CCDC25: variants seen among roughly 807,000 people sequenced by gnomAD.
CCDC25 encodes the protein coiled-coil domain containing 25, also known as coiled-coil domain-containing protein 25.
CCDC25 carries 16 observed loss-of-function variants against 35.3 expected under a neutral mutation model. The ratio of observed to expected loss-of-function variants is 0.45; its 90% confidence interval spans 0.31 to 0.69. The LOEUF is 0.69. Among genes scored for constraint, CCDC25 ranks in the 30% least tolerant of loss-of-function variants. CCDC25 has a pLI of 0.06. For missense variants in CCDC25, 179 were observed against 250.7 expected, an observed-to-expected ratio of 0.71 and a Z score of 1.93; for synonymous variants, 79 against 80.3, an observed-to-expected ratio of 0.98 and a Z score of 0.09.
chr8:27,759,056 A>G (rs540352966), intron 3 of CCDC25, among the ~76,000 whole-genome samples: 1 of 152,326 alleles, frequency 6.6e-6, no homozygotes, highest in African/African-American at 2.4e-5. Flanking sequence ...GACTTCTCCA[A>G]TCTTTCTAAA....
intron 4 of CCDC25, among the ~76,000 whole-genome samples, chr8:27,755,411 T>C (rs899670923): frequency 1.3e-5 from 2 of 151,888 alleles, no homozygotes; most frequent in South Asian, 4.1e-4. Flanking sequence ...AACGCAGGAG[T>C]CTAGGCTGAT....
In CCDC25 at chr8:27,741,260, A is replaced by C. The variant is rs191034121; in HGVS notation, c.552-743T>G. Among the ~76,000 whole-genome samples the C allele has an allele frequency of 9.8e-5, 15 of 152,362 alleles. No homozygotes were observed. The South Asian group carries it at 1.2e-3, about 13-fold the overall frequency. The stretch of plus-strand genomic sequence containing the variant: ...ATCCATGTGCATAAGACCCTGTGCT[A>C]AGCCTGGGTAGAGGATCGGATGAGA... On this transcript the variant is annotated intron_variant, in intron 7 of 8. Coordinates refer to ENST00000356537, the MANE Select transcript of CCDC25 (RefSeq NM_018246.3).
chr8:27,739,700 C>T (rs1006737791), intron 8 of CCDC25, among the ~76,000 whole-genome samples: 1 of 152,082 alleles, frequency 6.6e-6, no homozygotes, highest in Non-Finnish European at 1.5e-5. Flanking sequence ...TTGGTAGCTT[C>T]GGGGAGTCCT....
chr8:27,742,388 A>G (rs549163807), intron 7 of CCDC25, among the ~76,000 whole-genome samples: 1 of 152,254 alleles, frequency 6.6e-6, no homozygotes, highest in African/African-American at 2.4e-5. Flanking sequence ...AGGTTGCATG[A>G]GCAGGAGGAG....
intron 2 of CCDC25, among the ~76,000 whole-genome samples, chr8:27,763,820 T>A (rs559118432): frequency 1.3e-5 from 2 of 152,040 alleles, no homozygotes; most frequent in African/African-American, 4.8e-5. Flanking sequence ...GTATTTACCA[T>A]CCAGAAAAGG....
At chr8:27,749,040 G>C (rs1243062300) in intron 5 of CCDC25, among the ~76,000 whole-genome samples, 1 of 152,216 alleles carries the variant, frequency 6.6e-6, no homozygotes, top group Non-Finnish European at 1.5e-5. Flanking sequence ...CCTCTCTGGA[G>C]AAGTCCCCTG....
At chr8:27,755,125 G>A (rs1215883931) in intron 4 of CCDC25, among the ~76,000 whole-genome samples, 4 of 152,152 alleles carry the variant, frequency 2.6e-5, no homozygotes, top group Non-Finnish European at 5.9e-5. Context: ...AGAAGGATCG[G>A]TCTAGATCTT....
chr8:27,767,577 T>C (rs1804442657), intron 1 of CCDC25, among the ~76,000 whole-genome samples: 1 of 152,098 alleles, frequency 6.6e-6, no homozygotes, highest in African/African-American at 2.4e-5. Flanking sequence ...GACTGAGCAA[T>C]TGCTCGCGAT....
intron 5 of CCDC25, among the ~76,000 whole-genome samples, chr8:27,749,589 CA>C (rs1563448661): frequency 6.6e-6 from 1 of 151,692 alleles, no homozygotes; most frequent in East Asian, 1.9e-4. Context: ...TTTTGAAAGA[CA>C]AAGCAGTATC....
chr8:27,752,772 A>C, intron 4 of CCDC25, 185 bp from the exon 5 acceptor site: 1 of 379,460 alleles, frequency 2.6e-6, no homozygotes, highest in Non-Finnish European at 4.7e-6. Context: ...GTTTAAAATA[A>C]GAGAAGGCTG....
intron 4 of CCDC25, 88 bp from the exon 5 acceptor site, chr8:27,752,675 T>G: frequency 1.1e-6 from 1 of 914,132 alleles, no homozygotes; most frequent in Non-Finnish European, 1.8e-6. Context: ...CCTTACCTAC[T>G]AGGCATGATT....
At chr8:27,758,023 C>T (rs1804078032) in intron 3 of CCDC25, among the ~76,000 whole-genome samples, 1 of 152,210 alleles carries the variant, frequency 6.6e-6, no homozygotes, top group South Asian at 2.1e-4. Context: ...CAGAAACAGA[C>T]ACTGCCATGC....
In CCDC25 at chr8:27,771,168, C is replaced by A. The variant is rs950801949; in HGVS notation, c.28+1345G>T. On this transcript the variant is annotated intron_variant, in intron 1 of 8. Transcript: ENST00000356537. ...CTACGTTGAGACCCGTTTAAATACA[C>A]AAACACCATTGCGTTACCATTGCCT... Among the ~76,000 whole-genome samples, 29 of 152,178 alleles carry A rather than the reference C, an allele frequency of 1.9e-4. 1 individual carries two copies. Among genetic ancestry groups the A allele is most frequent in the Admixed American group, 1.8e-3 (28 of 15,278 alleles).
At chr8:27,744,233 A>T (rs1234598677) in intron 7 of CCDC25, among the ~76,000 whole-genome samples, 2 of 152,222 alleles carry the variant, frequency 1.3e-5, no homozygotes, top group Non-Finnish European at 2.9e-5. Context: ...TACTTGGTTT[A>T]TATTGAATAA....
intron 7 of CCDC25, among the ~76,000 whole-genome samples, chr8:27,744,693 T>C (rs1281960819): frequency 6.6e-6 from 1 of 152,252 alleles, no homozygotes. Flanking sequence ...TTTTTCATTC[T>C]TTCACTTGCC....
At chr8:27,764,567 C>T (rs564585541) in intron 2 of CCDC25, 3 of 249,148 alleles carry the variant, frequency 1.2e-5, no homozygotes, top group East Asian at 1.7e-4. Flanking sequence ...GCGTGAACCA[C>T]CATGCCTGGC....
intron 3 of CCDC25, among the ~76,000 whole-genome samples, chr8:27,757,518 C>T (rs367655080): frequency 1.3e-5 from 2 of 152,002 alleles, no homozygotes; most frequent in South Asian, 4.1e-4. Context: ...CAGAATGTCC[C>T]CCACCCCTTA....
chr8:27,747,984 C>G, intron 7 of CCDC25, 93 bp downstream of exon 7: 1 of 1,242,986 alleles, frequency 8.0e-7, no homozygotes, highest in Non-Finnish European at 1.1e-6. Flanking sequence ...GTCCCTCCTT[C>G]CACCAATATA....
intron 8 of CCDC25, 64 bp from the exon 9 acceptor site, chr8:27,736,309 A>G: frequency 7.7e-7 from 1 of 1,298,534 alleles, no homozygotes; most frequent in South Asian, 1.3e-5. Context: ...TAAAATTTAC[A>G]ATTATCTTAA....
Sources: allele counts gnomAD v4.1 joint callset (sites outside exome capture counted in the v4.1 genomes callset), GRCh38; gene constraint gnomAD v4.1.1; transcripts MANE v1.5; gene names NCBI Gene and HGNC (gene_info 2026-07-23, HGNC 2026-07-21).